The following JARID2 variants were observed in gnomAD, a reference collection of about 807,000 sequenced individuals.
The protein encoded by JARID2 is protein Jumonji.
A neutral mutation model predicts 125.6 loss-of-function variants in JARID2; 21 were observed. That is an observed-to-expected ratio of 0.17 (90% CI 0.12 to 0.24). The LOEUF (loss-of-function observed/expected upper bound fraction) is 0.24. Ranked by LOEUF, JARID2 falls within the 10% of genes least tolerant of loss-of-function variation. JARID2 has a pLI of 1.00. For synonymous variants in JARID2, 736 were observed against 661.6 expected, an observed-to-expected ratio of 1.11 and a Z score of -1.73; for missense variants, 1,303 against 1,639.6, an observed-to-expected ratio of 0.79 and a Z score of 3.55.
intron 2 of JARID2, among the ~76,000 whole-genome samples, chr6:15,394,190 G>C (rs1297255829): frequency 1.3e-5 from 2 of 152,160 alleles, no homozygotes; most frequent in Admixed American, 1.3e-4. Flanking sequence ...AATGTTGAAT[G>C]TTAGGTGCTT....
intron 1 of JARID2, among the ~76,000 whole-genome samples, chr6:15,307,937 A>G (rs1761892628): frequency 6.6e-6 from 1 of 152,232 alleles, no homozygotes; most frequent in Admixed American, 6.5e-5. Flanking sequence ...CTCAGGAGCC[A>G]GTCAGGTGTC....
At chr6:15,412,869 T>A (rs1320324384) in intron 3 of JARID2, among the ~76,000 whole-genome samples, 1 of 152,180 alleles carries the variant, frequency 6.6e-6, no homozygotes, top group Admixed American at 6.5e-5. Context: ...ACTCTGAAGA[T>A]GAGAAGTTGA....
At chr6:15,414,487 C>T (rs75616711) in intron 3 of JARID2, among the ~76,000 whole-genome samples, 2 of 151,970 alleles carry the variant, frequency 1.3e-5, no homozygotes, top group Non-Finnish European at 2.9e-5. Flanking sequence ...ATTTCTAATT[C>T]TCTTCCTCAG....
chr6:15,400,014 T>C (rs1033519478), intron 2 of JARID2, among the ~76,000 whole-genome samples: 3 of 152,224 alleles, frequency 2.0e-5, no homozygotes, highest in Non-Finnish European at 4.4e-5. Context: ...ACTCCAGTTG[T>C]CTGAGGCCAG....
At chr6:15,273,439 C>T (rs544779096) in intron 1 of JARID2, among the ~76,000 whole-genome samples, 32 of 152,304 alleles carry the variant, frequency 2.1e-4, no homozygotes, top group African/African-American at 6.7e-4. Flanking sequence ...TGGTGGCTCA[C>T]GCCTGTAATC....
chr6:15,387,025 C>G (rs1352461009), intron 2 of JARID2, among the ~76,000 whole-genome samples: 2 of 152,160 alleles, frequency 1.3e-5, no homozygotes, highest in African/African-American at 2.4e-5. Flanking sequence ...TGTTTTTAAT[C>G]TGTGAGTATT....
chr6:15,323,988 C>G (rs978707842), intron 1 of JARID2, among the ~76,000 whole-genome samples: 8 of 150,788 alleles, frequency 5.3e-5, no homozygotes, highest in Admixed American at 4.0e-4. Context: ...CGAGACCATC[C>G]TGGCTAACAT....
intron 1 of JARID2, among the ~76,000 whole-genome samples, chr6:15,361,315 T>A (rs1449153213): frequency 6.6e-6 from 1 of 152,190 alleles, no homozygotes; most frequent in Admixed American, 6.5e-5. Context: ...CCCCCATGAT[T>A]TACCCTCAAC....
At chr6:15,350,730 GTTTT>G (rs538674872) in intron 1 of JARID2, among the ~76,000 whole-genome samples, 3 of 130,418 alleles carry the variant, frequency 2.3e-5, no homozygotes, top group African/African-American at 2.8e-5. Context: ...ATAGTTTAAG[GTTTT>G]TTTTTTTTTT....
chr6:15,261,405 C>T (rs1759871516), intron 1 of JARID2, among the ~76,000 whole-genome samples: 1 of 150,304 alleles, frequency 6.7e-6, no homozygotes, highest in Admixed American at 6.6e-5. Flanking sequence ...ACAACCTCTA[C>T]CTCCCAGGTT....
rs559677686 is a variant in JARID2 at position 15,297,767 on chromosome 6, C to G, written c.45+51183C>G. 1.3e-3 allele frequency among the ~76,000 whole-genome samples: 199 copies of G among 152,064 alleles called. 1 individual carries two copies. Among genetic ancestry groups the G allele is most frequent in the Non-Finnish European group, 1.4e-3 (98 of 68,010 alleles). On this transcript the variant is annotated intron_variant, in intron 1 of 17. Coordinates refer to ENST00000341776, the MANE Select transcript of JARID2 (RefSeq NM_004973.4). The stretch of plus-strand genomic sequence containing the variant: ...TTGAATCCTTTTCAGACTTCGTTTC[C>G]CACAACACTCCTGTCAGAGTTAGCA...
At chr6:15,472,049 T>C (rs966120690) in intron 5 of JARID2, among the ~76,000 whole-genome samples, 17 of 152,120 alleles carry the variant, frequency 1.1e-4, no homozygotes, top group Admixed American at 1.0e-3. Flanking sequence ...ATTTAATGCC[T>C]GTTAATTCAG....
intron 1 of JARID2, among the ~76,000 whole-genome samples, chr6:15,349,862 G>A (rs1451782800): frequency 6.6e-6 from 1 of 152,034 alleles, no homozygotes; most frequent in African/African-American, 2.4e-5. Flanking sequence ...ACTCTTTTTT[G>A]GAGATGAGAC....
In JARID2 at chr6:15,246,238, G is replaced by A; in HGVS notation, c.-302G>A. The A allele has an allele frequency of 2.2e-6, 1 of 463,174 alleles. No individual in the cohort carries two copies. Among genetic ancestry groups the A allele is most frequent in the Non-Finnish European group, 3.8e-6 (1 of 264,698 alleles). The allele number at this position is 463,174 out of a possible 1,614,324, so 28.7% of individuals were successfully genotyped here. A position where few individuals can be genotyped will look rare whatever the true frequency, so the allele number is the denominator to read the frequency against. On this transcript the variant is annotated 5_prime_UTR_variant, in exon 1 of 18. Coordinates refer to ENST00000341776, the MANE Select transcript of JARID2 (RefSeq NM_004973.4). Reference sequence around the variant, plus strand: ...GGAAAAAGGGGGGGGAGTGAAGGGCGTCGGTTTTTTTTTGTGTGTGTGTGT... The same window carrying A: ...GGAAAAAGGGGGGGGAGTGAAGGGCATCGGTTTTTTTTTGTGTGTGTGTGT...
intron 1 of JARID2, among the ~76,000 whole-genome samples, chr6:15,360,506 A>G (rs1763755269): frequency 6.6e-6 from 1 of 151,796 alleles, no homozygotes; most frequent in African/African-American, 2.4e-5. Context: ...TTTATGAGAC[A>G]GGGTCACACT....
chr6:15,364,149 C>T (rs1763892858), intron 1 of JARID2, among the ~76,000 whole-genome samples: 2 of 150,930 alleles, frequency 1.3e-5, no homozygotes. Context: ...AAAAAGCCAG[C>T]GAGTCAGTCA....
chr6:15,304,964 A>G (rs183052338), intron 1 of JARID2, among the ~76,000 whole-genome samples: 18 of 152,018 alleles, frequency 1.2e-4, no homozygotes, highest in African/African-American at 3.4e-4. Flanking sequence ...GCTTTTTACA[A>G]CCAGTTATGA....
intron 3 of JARID2, 22 bp from the exon 4 acceptor site, chr6:15,451,984 T>C: frequency 6.2e-7 from 1 of 1,610,586 alleles, no homozygotes; most frequent in Non-Finnish European, 8.5e-7. Context: ...AATTTATTTT[T>C]AATTTTCTTT....
At chr6:15,461,154 G>A (rs1248266201) in intron 4 of JARID2, among the ~76,000 whole-genome samples, 1 of 152,184 alleles carries the variant, frequency 6.6e-6, no homozygotes, top group Non-Finnish European at 1.5e-5. Context: ...CATTTGACTG[G>A]GTGTGTATTT....
Sources: gnomAD v4.1 joint callset for allele counts (sites outside exome capture counted in the v4.1 genomes callset) on GRCh38, gnomAD v4.1.1 for gene constraint, MANE v1.5 for transcripts, NCBI Gene and HGNC (gene_info 2026-07-23, HGNC 2026-07-21) for gene names.